The following THSD7B variants were observed in gnomAD, a reference collection of about 807,000 sequenced individuals.
THSD7B encodes the protein thrombospondin type-1 domain-containing protein 7B.
A neutral mutation model predicts 213.6 loss-of-function variants in THSD7B; 138 were observed. That is an observed-to-expected ratio of 0.65 (90% CI 0.56 to 0.74). THSD7B has a LOEUF of 0.74. Ranked by LOEUF, THSD7B falls within the 30% of genes least tolerant of loss-of-function variation. THSD7B has a pLI of 0.00. For synonymous variants in THSD7B, 742 were observed against 687.0 expected (o/e 1.08, Z -1.25); for missense variants, 1,931 against 1,991.5 (o/e 0.97, Z 0.58).
Position 137,656,959 on chromosome 2 carries a change from C to A in THSD7B, c.4269C>A (p.Arg1423=), listed in dbSNP as rs953225895. 1.2e-6 allele frequency: 2 copies of A among 1,613,734 alleles called. No individual in the cohort carries two copies. The part of the protein sequence containing the change: ...DSCPQQVLET[R]PCTGGKCYHY... ...GCCCCCAACAGGTTCTAGAAACACG[C>A]CCTTGTACAGGTACCAAGAGCACTT... Residue 1423 remains arginine, a synonymous_variant, in exon 23 of 28, where the codon CGC becomes CGA. Coordinates refer to ENST00000409968, the MANE Select transcript of THSD7B (RefSeq NM_001316349.2).
chr2:137,412,621 C>CAAAA (rs199913921), intron 14 of THSD7B, among the ~76,000 whole-genome samples: 2 of 103,802 alleles, frequency 1.9e-5, no homozygotes, highest in African/African-American at 3.5e-5. Context: ...CAAAAAAAAA[C>CAAAA]AAAAAACAGT....
intron 17 of THSD7B, among the ~76,000 whole-genome samples, chr2:137,597,333 G>T (rs1026244436): frequency 1.3e-5 from 2 of 151,866 alleles, no homozygotes; most frequent in Non-Finnish European, 2.9e-5. Context: ...CAGGCCAGAT[G>T]TCCTGATCTT....
chr2:136,803,634 G>C (rs1682228965), intron 1 of THSD7B, among the ~76,000 whole-genome samples: 2 of 152,142 alleles, frequency 1.3e-5, no homozygotes, highest in South Asian at 4.1e-4. Context: ...TATATATAGA[G>C]CAAGACAGAT....
At chr2:136,945,282 T>C (rs1381618650) in intron 2 of THSD7B, among the ~76,000 whole-genome samples, 1 of 152,176 alleles carries the variant, frequency 6.6e-6, no homozygotes, top group African/African-American at 2.4e-5. Flanking sequence ...TATTGAAGCT[T>C]GTGCATGTGT....
At chr2:137,161,771 T>C (rs141039384) in intron 6 of THSD7B, among the ~76,000 whole-genome samples, 14 of 132,964 alleles carry the variant, frequency 1.1e-4, no homozygotes, top group African/African-American at 3.9e-4. Context: ...CTAATACCTA[T>C]AGTTTGCAGT....
At chr2:137,170,295 A>G (rs1266432869) in intron 6 of THSD7B, among the ~76,000 whole-genome samples, 1 of 152,192 alleles carries the variant, frequency 6.6e-6, no homozygotes, top group African/African-American at 2.4e-5. Context: ...CGGAGCAGGA[A>G]GTTGTGAATG....
intron 15 of THSD7B, among the ~76,000 whole-genome samples, chr2:137,452,253 A>G (rs975552720): frequency 6.6e-6 from 1 of 152,116 alleles, no homozygotes; most frequent in Non-Finnish European, 1.5e-5. Flanking sequence ...ATAAGATATG[A>G]ACCTTTTAGG....
intron 15 of THSD7B, among the ~76,000 whole-genome samples, chr2:137,536,977 T>A (rs1680518508): frequency 6.6e-6 from 1 of 151,800 alleles, no homozygotes; most frequent in South Asian, 2.1e-4. Context: ...TAAAATGGAA[T>A]AATTCTAGCA....
chr2:137,027,108 C>A (rs186964817), intron 2 of THSD7B, among the ~76,000 whole-genome samples: 6 of 152,164 alleles, frequency 3.9e-5, no homozygotes, highest in Non-Finnish European at 5.9e-5. Flanking sequence ...CCATTCACTG[C>A]GTGGTTATTA....
intron 2 of THSD7B, among the ~76,000 whole-genome samples, chr2:136,910,017 G>A (rs1391390569): frequency 6.6e-6 from 1 of 152,110 alleles, no homozygotes; most frequent in African/African-American, 2.4e-5. Context: ...AGGCCCCTCT[G>A]GGGCCTGTGG....
chr2:137,324,503 G>A (rs1187274225), intron 12 of THSD7B, among the ~76,000 whole-genome samples: 1 of 151,688 alleles, frequency 6.6e-6, no homozygotes, highest in East Asian at 1.9e-4. Flanking sequence ...ATTTTACTAG[G>A]CATCTTGTGA....
At chr2:137,576,743 G>A (rs1681468451) in intron 17 of THSD7B, among the ~76,000 whole-genome samples, 2 of 151,888 alleles carry the variant, frequency 1.3e-5, no homozygotes, top group Non-Finnish European at 2.9e-5. Flanking sequence ...AGAAATGCAT[G>A]CCGGTTTTCT....
Position 137,245,400 on chromosome 2 carries a change from G to A in THSD7B, c.2266+2828G>A, listed in dbSNP as rs554317047. Reference sequence around the variant, plus strand: ...GCACTGGGCAAGTGTTTGTATAGTTGTATAGTTTGCACCTGCTGTGCATGA... The same window carrying A: ...GCACTGGGCAAGTGTTTGTATAGTTATATAGTTTGCACCTGCTGTGCATGA... On this transcript the variant is annotated intron_variant, in intron 10 of 27. Coordinates refer to ENST00000409968, the MANE Select transcript of THSD7B (RefSeq NM_001316349.2). Among the ~76,000 whole-genome samples, 22 of 152,252 alleles carry A rather than the reference G, an allele frequency of 1.4e-4. 1 individual carries two copies. The South Asian group carries it at 4.6e-3, about 32-fold the overall frequency.
At chr2:137,487,360 G>A (rs1290216210) in intron 15 of THSD7B, among the ~76,000 whole-genome samples, 1 of 94,850 alleles carries the variant, frequency 1.1e-5, no homozygotes, top group East Asian at 3.1e-4. Context: ...GGGCGACAGA[G>A]CGAGACTCCG....
At chr2:137,381,639 G>A (rs73958847) in intron 12 of THSD7B, among the ~76,000 whole-genome samples, 18 of 152,316 alleles carry the variant, frequency 1.2e-4, no homozygotes, top group African/African-American at 4.3e-4. Flanking sequence ...AGAAAATGGG[G>A]CCTCAATGAG....
intron 7 of THSD7B, among the ~76,000 whole-genome samples, chr2:137,212,622 G>A (rs1297440979): frequency 6.6e-6 from 1 of 151,558 alleles, no homozygotes; most frequent in Non-Finnish European, 1.5e-5. Context: ...AATGCTCGAA[G>A]GTAGGCCTCA....
intron 1 of THSD7B, among the ~76,000 whole-genome samples, chr2:136,874,816 T>C (rs573054191): frequency 6.6e-6 from 1 of 152,308 alleles, no homozygotes; most frequent in African/African-American, 2.4e-5. Context: ...AGAAGAAGAT[T>C]TGGAAACTCA....
intron 2 of THSD7B, among the ~76,000 whole-genome samples, chr2:136,911,584 G>A (rs1281208477): frequency 6.6e-6 from 1 of 152,192 alleles, no homozygotes; most frequent in East Asian, 1.9e-4. Context: ...ACTAAAAAAT[G>A]GAAACAGTTG....
intron 12 of THSD7B, among the ~76,000 whole-genome samples, chr2:137,319,383 T>C (rs1376446719): frequency 6.6e-6 from 1 of 152,186 alleles, no homozygotes; most frequent in East Asian, 1.9e-4. Flanking sequence ...TGTACCATGA[T>C]GTCCACCTCC....
Sources: allele counts gnomAD v4.1 joint callset (sites outside exome capture counted in the v4.1 genomes callset), GRCh38; gene constraint gnomAD v4.1.1; transcripts MANE v1.5; gene names NCBI Gene and HGNC (gene_info 2026-07-23, HGNC 2026-07-21).